PPP2R5E: variants seen among roughly 807,000 people sequenced by gnomAD.
The protein encoded by PPP2R5E is protein phosphatase 2 regulatory subunit B'epsilon, also known as serine/threonine-protein phosphatase 2A 56 kDa regulatory subunit epsilon isoform.
PPP2R5E carries 4 observed loss-of-function variants against 65.3 expected under a neutral mutation model. The observed-to-expected ratio is 0.06, with a 90% CI of 0.03 to 0.14. The LOEUF (loss-of-function observed/expected upper bound fraction) is 0.14. Ranked by LOEUF, PPP2R5E falls within the 10% of genes least tolerant of loss-of-function variation. The probability of loss-of-function intolerance (pLI) is 1.00; values close to 1 mark genes in which losing one functional copy is unlikely to be tolerated. For synonymous variants in PPP2R5E, 183 were observed against 187.4 expected, an observed-to-expected ratio of 0.98 and a Z score of 0.19; for missense variants, 274 against 556.1, an observed-to-expected ratio of 0.49 and a Z score of 5.10.
Position 63,392,031 on chromosome 14 carries a change from T to C in PPP2R5E, c.850-6A>G. 1 of 1,590,752 alleles carries C rather than the reference T, an allele frequency of 6.3e-7. No homozygotes were observed. The highest frequency in any genetic ancestry group is 1.2e-5 in the South Asian group (1 of 85,702). The stretch of plus-strand genomic sequence containing the variant: ...TGTACTATACAATATGCCAGCTGAG[T>C]AAAAAATAAAATAAAAGGCAAAATT... On this transcript the variant is annotated splice_polypyrimidine_tract_variant and splice_region_variant and intron_variant, in intron 8 of 13. Transcript: ENST00000337537.
chr14:63,451,488 T>C (rs1888819302), intron 3 of PPP2R5E: 1 of 152,174 alleles, frequency 6.6e-6, no homozygotes, highest in South Asian at 2.1e-4. Context: ...TGATTCCAAC[T>C]ATATGACAGT....
chr14:63,469,958 T>C (rs1249982555), intron 2 of PPP2R5E, among the ~76,000 whole-genome samples: 1 of 152,194 alleles, frequency 6.6e-6, no homozygotes, highest in African/African-American at 2.4e-5. Context: ...GAAGGGATAA[T>C]TTTACACCAA....
At chr14:63,531,131 G>A (rs1289363311) in intron 2 of PPP2R5E, among the ~76,000 whole-genome samples, 3 of 152,204 alleles carry the variant, frequency 2.0e-5, no homozygotes, top group Non-Finnish European at 4.4e-5. Flanking sequence ...TAGCGCCATT[G>A]CGCTCCAGCC....
In PPP2R5E at chr14:63,375,982, T is replaced by C. The variant is rs1369149226; in HGVS notation, c.*27A>G. 1.4e-5 allele frequency: 20 copies of C among 1,461,728 alleles called. No homozygotes were observed. The highest frequency in any genetic ancestry group is 1.8e-5 in the Non-Finnish European group (19 of 1,044,034). 90.5% of individuals were successfully genotyped at this position (1,461,728 alleles called of 1,614,324 possible). A position where few individuals can be genotyped will look rare whatever the true frequency, so the allele number is the denominator to read the frequency against. On this transcript the variant is annotated 3_prime_UTR_variant, in exon 14 of 14. Coordinates refer to ENST00000337537, the MANE Select transcript of PPP2R5E (RefSeq NM_006246.5). ...CTACATAAACGTGTGACTCCACAGGTTAGTAATGTTGTTGTCATTGTTTTT... is the reference window on the plus strand; with the variant it reads ...CTACATAAACGTGTGACTCCACAGGCTAGTAATGTTGTTGTCATTGTTTTT...
chr14:63,463,629 C>G (rs965171113), intron 2 of PPP2R5E, among the ~76,000 whole-genome samples: 9 of 149,994 alleles, frequency 6.0e-5, no homozygotes, highest in African/African-American at 2.0e-4. Context: ...CGGAGTCTAG[C>G]TCTGTCACCC....
At position 63,396,752 on chromosome 14, in the gene PPP2R5E, C is replaced by T. The variant is rs143836198; in HGVS notation, c.550-36G>A. ...TGAAAGACATTATAGCTGTCAAAGG[C>T]GGTTTCAGAAAAGGATTTAGGAATT... On this transcript the variant is annotated intron_variant, in intron 5 of 13. Coordinates refer to ENST00000337537, the MANE Select transcript of PPP2R5E (RefSeq NM_006246.5). 154 of 1,597,628 alleles carry T rather than the reference C, an allele frequency of 9.6e-5. No homozygotes were observed. The African/African-American group carries it at 1.6e-3, about 16-fold the overall frequency.
intron 2 of PPP2R5E, among the ~76,000 whole-genome samples, chr14:63,473,351 A>T (rs1409493753): frequency 1.3e-5 from 2 of 152,212 alleles, no homozygotes; most frequent in Non-Finnish European, 2.9e-5. Flanking sequence ...GATAAGCTCA[A>T]TGACTGAGTA....
intron 2 of PPP2R5E, among the ~76,000 whole-genome samples, chr14:63,507,602 C>T (rs865938873): frequency 5.2e-5 from 5 of 96,258 alleles, no homozygotes; most frequent in East Asian, 3.1e-4. Context: ...TTTTTTGAGA[C>T]GGAGTCTTGT....
At chr14:63,512,744 GTTAA>G (rs915229834) in intron 2 of PPP2R5E, among the ~76,000 whole-genome samples, 2 of 151,948 alleles carry the variant, frequency 1.3e-5, no homozygotes, top group African/African-American at 4.8e-5. Flanking sequence ...TTAAAACAAA[GTTAA>G]TTGTCACATA....
At chr14:63,513,802 G>A (rs1040429776) in intron 2 of PPP2R5E, among the ~76,000 whole-genome samples, 1 of 152,198 alleles carries the variant, frequency 6.6e-6, no homozygotes. Flanking sequence ...TTCATTAATT[G>A]TGATGAGCCA....
chr14:63,540,532 T>C (rs1177601642), intron 1 of PPP2R5E, among the ~76,000 whole-genome samples: 4 of 144,708 alleles, frequency 2.8e-5, no homozygotes, highest in Non-Finnish European at 6.0e-5. Flanking sequence ...CTGACCAACA[T>C]GGAGAAACCC....
intron 3 of PPP2R5E, among the ~76,000 whole-genome samples, chr14:63,423,706 T>G (rs1311672482): frequency 2.0e-5 from 3 of 152,244 alleles, no homozygotes; most frequent in Non-Finnish European, 4.4e-5. Flanking sequence ...CTTTGGGGTA[T>G]CCACATAATC....
At chr14:63,413,283 T>C (rs1255526686) in intron 5 of PPP2R5E, among the ~76,000 whole-genome samples, 1 of 152,206 alleles carries the variant, frequency 6.6e-6, no homozygotes, top group African/African-American at 2.4e-5. Context: ...GATTTACTGA[T>C]TCCATGTCAA....
chr14:63,391,806 T>G lies in PPP2R5E; in HGVS notation c.954+11A>C, dbSNP rs750324777. 8.1e-6 allele frequency: 13 copies of G among 1,611,412 alleles called. No homozygotes were observed. The South Asian group carries it at 1.4e-4, about 18-fold the overall frequency. On this transcript the variant is annotated intron_variant, in intron 10 of 13. Transcript: ENST00000337537. Reference sequence around the variant, plus strand: ...GTAAGCTATGAACACTCTCTGACAGTAAGCACTTACCTCTTTTTGACTACA... The same window carrying G: ...GTAAGCTATGAACACTCTCTGACAGGAAGCACTTACCTCTTTTTGACTACA...
chr14:63,486,621 G>T (rs562661664), intron 2 of PPP2R5E, among the ~76,000 whole-genome samples: 4 of 151,788 alleles, frequency 2.6e-5, no homozygotes, highest in Non-Finnish European at 5.9e-5. Context: ...GTGGTCCACA[G>T]TACTCCACTG....
intron 2 of PPP2R5E, among the ~76,000 whole-genome samples, chr14:63,480,059 A>C (rs575014221): frequency 6.6e-6 from 1 of 152,206 alleles, no homozygotes; most frequent in Admixed American, 6.5e-5. Flanking sequence ...AAACCTTCAC[A>C]TACTCATCAC....
rs537632701 is a variant in PPP2R5E at position 63,435,192 on chromosome 14, C to A, written c.355-13098G>T. Among the ~76,000 whole-genome samples, 5 of 151,906 alleles carry A rather than the reference C, an allele frequency of 3.3e-5. No individual in the cohort carries two copies. The South Asian group carries it at 1.0e-3, about 32-fold the overall frequency. On this transcript the variant is annotated intron_variant, in intron 3 of 13. Coordinates refer to ENST00000337537, the MANE Select transcript of PPP2R5E (RefSeq NM_006246.5). Reference sequence around the variant, plus strand: ...ATATATAATTGCTAAATTCATTGAACGTTCATTGCCTAAGATCTGTTCTTC... The same window carrying A: ...ATATATAATTGCTAAATTCATTGAAAGTTCATTGCCTAAGATCTGTTCTTC...
At chr14:63,450,357 C>T (rs1888751307) in intron 3 of PPP2R5E, among the ~76,000 whole-genome samples, 1 of 152,198 alleles carries the variant, frequency 6.6e-6, no homozygotes, top group Middle Eastern at 3.2e-3. Flanking sequence ...AGCATGTACA[C>T]TAACAGACTC....
At chr14:63,418,884 T>G (rs1886851444) in intron 4 of PPP2R5E, among the ~76,000 whole-genome samples, 1 of 149,502 alleles carries the variant, frequency 6.7e-6, no homozygotes, top group Admixed American at 6.7e-5. Context: ...TCTCGCTCTG[T>G]TGCCCAGGCA....
Sources: allele counts gnomAD v4.1 joint callset (sites outside exome capture counted in the v4.1 genomes callset), GRCh38; gene constraint gnomAD v4.1.1; transcripts MANE v1.5; gene names NCBI Gene and HGNC (gene_info 2026-07-23, HGNC 2026-07-21).